The following GLG1 variants were observed in gnomAD, a reference collection of about 807,000 sequenced individuals.
GLG1 encodes the protein Golgi apparatus protein 1.
Under a neutral mutation model 160.5 loss-of-function variants are expected in GLG1, and 38 were observed. That is an observed-to-expected ratio of 0.24 (90% CI 0.18 to 0.31). The LOEUF (loss-of-function observed/expected upper bound fraction) is 0.31. GLG1 is among the 10% of genes least tolerant of loss of function. GLG1 has a pLI of 1.00. For missense variants in GLG1, 1,373 were observed against 1,505.2 expected, an observed-to-expected ratio of 0.91 and a Z score of 1.45; for synonymous variants, 644 against 543.4, an observed-to-expected ratio of 1.19 and a Z score of -2.57.
intron 1 of GLG1, among the ~76,000 whole-genome samples, chr16:74,580,346 CA>C (rs571328539): frequency 1.3e-5 from 2 of 151,604 alleles, no homozygotes; most frequent in African/African-American, 4.9e-5. Flanking sequence ...AAAAACCAAA[CA>C]AAAAAACCAA....
intron 1 of GLG1, among the ~76,000 whole-genome samples, chr16:74,593,246 G>A (rs933280822): frequency 1.3e-5 from 2 of 152,102 alleles, no homozygotes; most frequent in Admixed American, 1.3e-4. Flanking sequence ...ATGGCATTAC[G>A]TTTGTCAATG....
At chr16:74,533,116 C>T (rs1288109986) in intron 1 of GLG1, among the ~76,000 whole-genome samples, 7 of 151,770 alleles carry the variant, frequency 4.6e-5, no homozygotes, top group Non-Finnish European at 1.0e-4. Flanking sequence ...GTCAGGAGAT[C>T]GAGACCATCC....
chr16:74,529,138 G>T (rs1283760259), intron 2 of GLG1, among the ~76,000 whole-genome samples: 2 of 151,700 alleles, frequency 1.3e-5, no homozygotes, highest in Non-Finnish European at 2.9e-5. Context: ...AGCTGATTTT[G>T]TAATTTTTAG....
At chr16:74,569,038 G>A (rs1160943674) in intron 1 of GLG1, among the ~76,000 whole-genome samples, 1 of 152,190 alleles carries the variant, frequency 6.6e-6, no homozygotes, top group African/African-American at 2.4e-5. Context: ...AATGACTGAA[G>A]GGCCGTGTGG....
intron 2 of GLG1, among the ~76,000 whole-genome samples, chr16:74,516,921 A>G (rs1293765133): frequency 6.6e-6 from 1 of 152,200 alleles, no homozygotes; most frequent in Non-Finnish European, 1.5e-5. Context: ...AATACTATAA[A>G]CACCTCTATG....
intron 1 of GLG1, among the ~76,000 whole-genome samples, chr16:74,549,518 C>T (rs1261752524): frequency 6.6e-6 from 1 of 152,208 alleles, no homozygotes; most frequent in African/African-American, 2.4e-5. Context: ...GATCTCCTGA[C>T]CTCGTGATCC....
At chr16:74,606,281 C>G (rs1004931854) in intron 1 of GLG1, among the ~76,000 whole-genome samples, 5 of 152,194 alleles carry the variant, frequency 3.3e-5, no homozygotes, top group Non-Finnish European at 7.3e-5. Context: ...AAATGGCTTG[C>G]CACAAATTGT....
chr16:74,598,821 T>G (rs992564347), intron 1 of GLG1, among the ~76,000 whole-genome samples: 1 of 151,586 alleles, frequency 6.6e-6, no homozygotes, highest in African/African-American at 2.4e-5. Flanking sequence ...GAGGTGGAGG[T>G]TGCAGTGAGT....
chr16:74,455,883 C>A (rs1205858383), intron 25 of GLG1, among the ~76,000 whole-genome samples: 1 of 152,198 alleles, frequency 6.6e-6, no homozygotes, highest in African/African-American at 2.4e-5. Context: ...GGCAATACGT[C>A]CACCAAAGCG....
chr16:74,462,812 T>C (rs1224127246), intron 20 of GLG1, 182 bp from the exon 21 acceptor site: 1 of 621,394 alleles, frequency 1.6e-6, no homozygotes, highest in Non-Finnish European at 2.8e-6. Flanking sequence ...ATATGACTTG[T>C]TAACGAGTAC....
intron 3 of GLG1, among the ~76,000 whole-genome samples, chr16:74,505,943 T>A (rs532131018): frequency 6.7e-6 from 1 of 150,114 alleles, no homozygotes. Flanking sequence ...GGCAGGAGAA[T>A]TGCTTGAACC....
At chr16:74,509,673 C>G (rs1480997551) in intron 2 of GLG1, among the ~76,000 whole-genome samples, 1 of 151,732 alleles carries the variant, frequency 6.6e-6, no homozygotes, top group Non-Finnish European at 1.5e-5. Flanking sequence ...CACAGTGAAA[C>G]CCCGTTTCTA....
At chr16:74,587,544 G>A (rs897836047) in intron 1 of GLG1, among the ~76,000 whole-genome samples, 1 of 152,134 alleles carries the variant, frequency 6.6e-6, no homozygotes, top group African/African-American at 2.4e-5. Flanking sequence ...AGAAATGACA[G>A]ACATGATGGA....
chr16:74,548,824 C>T (rs1355030624), intron 1 of GLG1, among the ~76,000 whole-genome samples: 3 of 152,022 alleles, frequency 2.0e-5, no homozygotes, highest in Non-Finnish European at 4.4e-5. Flanking sequence ...GGTGAAACCT[C>T]GTCTCTACTA....
chr16:74,470,534 T>TA (rs1445219822), intron 15 of GLG1, among the ~76,000 whole-genome samples: 1 of 145,998 alleles, frequency 6.8e-6, no homozygotes, highest in East Asian at 2.1e-4. Context: ...CTGCAACCTC[T>TA]GCCTCCCGGG....
intron 1 of GLG1, among the ~76,000 whole-genome samples, chr16:74,557,803 C>T (rs2018394499): frequency 6.7e-6 from 1 of 150,320 alleles, no homozygotes; most frequent in African/African-American, 2.5e-5. Context: ...CTAGGCTGGT[C>T]TTCAACTCCT....
At chr16:74,529,803 T>C (rs2017467660) in intron 2 of GLG1, among the ~76,000 whole-genome samples, 1 of 146,256 alleles carries the variant, frequency 6.8e-6, no homozygotes, top group Non-Finnish European at 1.5e-5. Flanking sequence ...CCTTGGCTCT[T>C]TGAGAGTTCT....
chr16:74,566,141 A>G (rs769665577), intron 1 of GLG1, among the ~76,000 whole-genome samples: 2 of 152,174 alleles, frequency 1.3e-5, no homozygotes, highest in Non-Finnish European at 1.5e-5. Context: ...CTCACTCATA[A>G]CGTCAACTTT....
intron 4 of GLG1, among the ~76,000 whole-genome samples, chr16:74,503,206 C>CA (rs1033874602): frequency 8.1e-5 from 12 of 147,440 alleles, no homozygotes; most frequent in African/African-American, 1.2e-4. Context: ...GACTCTGTTT[C>CA]AAAAAAAAAA....
Sources: gnomAD v4.1 joint callset for allele counts (sites outside exome capture counted in the v4.1 genomes callset) on GRCh38, gnomAD v4.1.1 for gene constraint, MANE v1.5 for transcripts, NCBI Gene and HGNC (gene_info 2026-07-23, HGNC 2026-07-21) for gene names.